Variants in SORCS3 observed in about 807,000 individuals in gnomAD.
SORCS3 encodes the protein VPS10 domain-containing receptor SorCS3.
In SORCS3, 57 loss-of-function variants were observed where a neutral mutation model predicts 146.3. The ratio of observed to expected loss-of-function variants is 0.39; its 90% CI spans 0.31 to 0.49. SORCS3 has a LOEUF of 0.49. Among genes scored for constraint, SORCS3 ranks in the 20% least tolerant of loss-of-function variants. The probability of loss-of-function intolerance (pLI) is 0.92; values close to 1 mark genes in which losing one functional copy is unlikely to be tolerated. For missense variants in SORCS3, 1,341 were observed against 1,575.5 expected (o/e 0.85, Z 2.52); for synonymous variants, 653 against 618.5 (o/e 1.06, Z -0.83).
chr10:104,996,468 T>A (rs1168953873), intron 4 of SORCS3, among the ~76,000 whole-genome samples: 1 of 152,180 alleles, frequency 6.6e-6, no homozygotes, highest in Non-Finnish European at 1.5e-5. Flanking sequence ...ACTTTTTAAA[T>A]GGCATTTAAA....
intron 2 of SORCS3, among the ~76,000 whole-genome samples, chr10:104,885,926 T>C (rs1361474763): frequency 6.6e-6 from 1 of 152,208 alleles, no homozygotes; most frequent in Non-Finnish European, 1.5e-5. Flanking sequence ...CTGTTTTCTG[T>C]GACTGATGAC....
At chr10:104,651,843 T>C (rs1197048324) in intron 1 of SORCS3, among the ~76,000 whole-genome samples, 1 of 152,218 alleles carries the variant, frequency 6.6e-6, no homozygotes, top group African/African-American at 2.4e-5. Flanking sequence ...CTGATCACTG[T>C]AGCTTGCTTT....
At chr10:105,019,596 G>T (rs1302831961) in intron 4 of SORCS3, among the ~76,000 whole-genome samples, 1 of 152,164 alleles carries the variant, frequency 6.6e-6, no homozygotes, top group Non-Finnish European at 1.5e-5. Flanking sequence ...ACACCCCTCT[G>T]AAGCTGAACA....
At chr10:104,946,760 C>T (rs890224253) in intron 3 of SORCS3, among the ~76,000 whole-genome samples, 1 of 152,118 alleles carries the variant, frequency 6.6e-6, no homozygotes, top group Non-Finnish European at 1.5e-5. Context: ...CTTCTTCTGC[C>T]TAAGAACCCA....
At chr10:105,106,087 G>A (rs185796956) in intron 7 of SORCS3, among the ~76,000 whole-genome samples, 30 of 152,182 alleles carry the variant, frequency 2.0e-4, no homozygotes, top group African/African-American at 7.2e-4. Flanking sequence ...TATCTCTATT[G>A]TGTACTATAA....
chr10:104,693,461 G>T (rs2016137987), intron 1 of SORCS3, among the ~76,000 whole-genome samples: 1 of 152,174 alleles, frequency 6.6e-6, no homozygotes, highest in Non-Finnish European at 1.5e-5. Context: ...ACTTTGCAGA[G>T]AATTCAGAAA....
intron 5 of SORCS3, among the ~76,000 whole-genome samples, chr10:105,063,619 A>G (rs1333261800): frequency 6.6e-6 from 1 of 152,214 alleles, no homozygotes; most frequent in East Asian, 1.9e-4. Context: ...ATTTGCTTTT[A>G]CATGTTTTTG....
At chr10:104,865,946 G>T (rs1428665597) in intron 2 of SORCS3, among the ~76,000 whole-genome samples, 1 of 152,168 alleles carries the variant, frequency 6.6e-6, no homozygotes, top group Non-Finnish European at 1.5e-5. Flanking sequence ...AGGCATGTAG[G>T]GGTCAGAGAA....
intron 8 of SORCS3, among the ~76,000 whole-genome samples, chr10:105,140,635 C>A (rs1213091551): frequency 6.6e-6 from 1 of 152,062 alleles, no homozygotes; most frequent in Non-Finnish European, 1.5e-5. Context: ...GTTAATTCTG[C>A]AAACAAAGAT....
intron 20 of SORCS3, among the ~76,000 whole-genome samples, chr10:105,241,711 T>C (rs1454606478): frequency 2.0e-5 from 3 of 152,132 alleles, no homozygotes; most frequent in Non-Finnish European, 2.9e-5. Flanking sequence ...GGTCATCTCC[T>C]CCCTGACTTC....
chr10:105,144,111 C>T (rs931968843), intron 8 of SORCS3, among the ~76,000 whole-genome samples: 1 of 152,118 alleles, frequency 6.6e-6, no homozygotes, highest in Non-Finnish European at 1.5e-5. Context: ...ATTCTTTGGG[C>T]AAAACTTAGG....
intron 1 of SORCS3, among the ~76,000 whole-genome samples, chr10:104,709,853 T>C (rs2133437863): frequency 6.6e-6 from 1 of 152,262 alleles, no homozygotes; most frequent in East Asian, 1.9e-4. Flanking sequence ...ATGTGTCCAA[T>C]TTGGTGAAGC....
chr10:104,696,006 T>TATATAATATATATCATATACAC (rs1489176175), intron 1 of SORCS3, among the ~76,000 whole-genome samples: 16 of 120,516 alleles, frequency 1.3e-4, no homozygotes, highest in African/African-American at 5.0e-4. Context: ...ACATATAATA[T>TATATAATATATATCATATACAC]ATATAATATA....
intron 2 of SORCS3, among the ~76,000 whole-genome samples, chr10:104,875,288 G>A (rs1564703513): frequency 6.6e-6 from 1 of 152,074 alleles, no homozygotes; most frequent in East Asian, 1.9e-4. Context: ...TGCCATCTTG[G>A]GACATATGCA....
At chr10:105,219,234 CAG>C (rs1240019650) in intron 19 of SORCS3, among the ~76,000 whole-genome samples, 2 of 152,122 alleles carry the variant, frequency 1.3e-5, no homozygotes, top group African/African-American at 4.8e-5. Context: ...GGAAAAGGCT[CAG>C]GGGGCAAAGT....
At chr10:104,933,995 A>G (rs6584644) in intron 3 of SORCS3, among the ~76,000 whole-genome samples, 42,000 of 151,992 alleles carry the variant, frequency 0.28, 7,468 homozygotes, top group African/African-American at 0.51. Flanking sequence ...GGGTTTCACC[A>G]CGTTGGCCAG....
chr10:104,755,642 T>C (rs1404821972), intron 1 of SORCS3, among the ~76,000 whole-genome samples: 1 of 152,158 alleles, frequency 6.6e-6, no homozygotes, highest in East Asian at 1.9e-4. Flanking sequence ...AGTGAGGACA[T>C]TCCAGGTGGG....
At chr10:104,913,885 C>G (rs1277644435) in intron 2 of SORCS3, among the ~76,000 whole-genome samples, 2 of 151,432 alleles carry the variant, frequency 1.3e-5, no homozygotes, top group Admixed American at 1.3e-4. Context: ...ATTCTTCTGC[C>G]TTAGCCTCCC....
At chr10:105,076,124 C>T (rs1424792579) in intron 5 of SORCS3, among the ~76,000 whole-genome samples, 3 of 152,102 alleles carry the variant, frequency 2.0e-5, no homozygotes, top group Admixed American at 1.3e-4. Flanking sequence ...ATTTCCAAGA[C>T]CAAATCAGGA....
Sources: gnomAD v4.1 joint callset for allele counts (sites outside exome capture counted in the v4.1 genomes callset) on GRCh38, gnomAD v4.1.1 for gene constraint, MANE v1.5 for transcripts, NCBI Gene and HGNC (gene_info 2026-07-23, HGNC 2026-07-21) for gene names.